The following CFAP96 variants were observed in gnomAD, a reference collection of about 807,000 sequenced individuals.
CFAP96 encodes the protein cilia-and flagella-associated protein 96.
chr4:185,410,246 G>T, the CFAP96 span, among the ~76,000 whole-genome samples: 1 of 151,928 alleles, frequency 6.6e-6, no homozygotes, highest in Non-Finnish European at 1.5e-5. Flanking sequence ...AACCATAATA[G>T]AAAAATATAA....
the CFAP96 span, among the ~76,000 whole-genome samples, chr4:185,435,163 C>T: frequency 4.7e-4 from 71 of 152,322 alleles, no homozygotes; most frequent in South Asian, 1.2e-3. Context: ...TATCCCTGCT[C>T]TATTTCCTTG....
the CFAP96 span, among the ~76,000 whole-genome samples, chr4:185,437,007 T>C: frequency 6.6e-6 from 1 of 152,290 alleles, no homozygotes; most frequent in South Asian, 2.1e-4. Context: ...AGTCATATCC[T>C]GACCCTTAGC....
the CFAP96 span, among the ~76,000 whole-genome samples, chr4:185,433,834 G>A: frequency 9.2e-5 from 14 of 151,508 alleles, no homozygotes; most frequent in Admixed American, 6.6e-5. Flanking sequence ...CCCAGGAGGC[G>A]GAGGCTGCAG....
At chr4:185,429,582 T>G in the CFAP96 span, 1 of 854,064 alleles carries the variant, frequency 1.2e-6, no homozygotes, top group Non-Finnish European at 1.8e-6. Flanking sequence ...ATTTAATATT[T>G]AAGTCAAATG....
chr4:185,439,661 T>G, the CFAP96 span, among the ~76,000 whole-genome samples: 1 of 151,220 alleles, frequency 6.6e-6, no homozygotes, highest in Admixed American at 6.6e-5. Context: ...TAGAAAAGAT[T>G]ACAACATAAG....
At chr4:185,426,175 C>G in the CFAP96 span, 1 of 454,182 alleles carries the variant, frequency 2.2e-6, no homozygotes, top group Non-Finnish European at 4.0e-6. Context: ...TCGTATCCTC[C>G]CACAGCGTGC....
chr4:185,437,005 C>T, the CFAP96 span, among the ~76,000 whole-genome samples: 3 of 152,064 alleles, frequency 2.0e-5, no homozygotes, highest in African/African-American at 7.2e-5. Flanking sequence ...AGAGTCATAT[C>T]CTGACCCTTA....
At chr4:185,415,944 A>T in the CFAP96 span, 37 of 1,256,550 alleles carry the variant, frequency 2.9e-5, no homozygotes, top group Non-Finnish European at 3.9e-5. Context: ...AAGACTTTTC[A>T]AAAATGTATT....
chr4:185,436,322 C>G, the CFAP96 span: 1 of 1,551,012 alleles, frequency 6.4e-7, no homozygotes, highest in Non-Finnish European at 8.7e-7. Flanking sequence ...TTTTCACACT[C>G]TGCCGACTTC....
At chr4:185,424,595 C>T in the CFAP96 span, among the ~76,000 whole-genome samples, 2 of 152,212 alleles carry the variant, frequency 1.3e-5, no homozygotes, top group East Asian at 1.9e-4. Flanking sequence ...TTTATTCTAC[C>T]GTTGTTCATC....
chr4:185,444,941 A>C, the CFAP96 span: 7 of 1,540,702 alleles, frequency 4.5e-6, no homozygotes, highest in South Asian at 8.5e-5. Flanking sequence ...AATCACATTA[A>C]GTTGTCTCGT....
the CFAP96 span, chr4:185,429,419 CG>C: frequency 6.5e-7 from 1 of 1,530,904 alleles, no homozygotes; most frequent in African/African-American, 1.4e-5. Flanking sequence ...ACCATGCCTG[CG>C]GAAGGAGGAA....
At chr4:185,448,820 T>G in the CFAP96 span, among the ~76,000 whole-genome samples, 1 of 152,194 alleles carries the variant, frequency 6.6e-6, no homozygotes, top group African/African-American at 2.4e-5. Flanking sequence ...ATGTGTCCTC[T>G]TCTATCCAGA....
At chr4:185,411,419 T>A in the CFAP96 span, among the ~76,000 whole-genome samples, 19 of 152,044 alleles carry the variant, frequency 1.2e-4, no homozygotes, top group Non-Finnish European at 2.4e-4. Context: ...TAAACCAGTA[T>A]ATCACTAATA....
chr4:185,417,908 G>A, the CFAP96 span, among the ~76,000 whole-genome samples: 1 of 152,100 alleles, frequency 6.6e-6, no homozygotes, highest in African/African-American at 2.4e-5. Context: ...GCTGGGCATG[G>A]TGGCAGGTGC....
chr4:185,432,861 T>TA, the CFAP96 span, among the ~76,000 whole-genome samples: 112,192 of 145,640 alleles, frequency 0.77, 43,542 homozygotes, highest in East Asian at 0.98. Flanking sequence ...AGATCTTGTC[T>TA]AAAAAAAAAA....
the CFAP96 span, among the ~76,000 whole-genome samples, chr4:185,442,560 C>T: frequency 4.1e-4 from 63 of 152,222 alleles, 1 homozygote; most frequent in East Asian, 9.3e-3. Context: ...TTTTGCTTTG[C>T]AGCTCTATAT....
the CFAP96 span, chr4:185,436,308 A>G: frequency 6.4e-7 from 1 of 1,551,054 alleles, no homozygotes. Context: ...CCATAGGTAA[A>G]CAGTTTTCAC....
the CFAP96 span, among the ~76,000 whole-genome samples, chr4:185,439,142 G>A: frequency 6.6e-6 from 1 of 152,122 alleles, no homozygotes; most frequent in Non-Finnish European, 1.5e-5. Context: ...CAGATTAATA[G>A]GCCATACAGC....
Sources: allele counts gnomAD v4.1 joint callset (sites outside exome capture counted in the v4.1 genomes callset), GRCh38; gene constraint gnomAD v4.1.1; transcripts MANE v1.5; gene names NCBI Gene and HGNC (gene_info 2026-07-23, HGNC 2026-07-21).